The following CHKA variants were observed in gnomAD, a reference collection of about 807,000 sequenced individuals.
CHKA encodes the protein choline kinase alpha.
In CHKA, 34 loss-of-function variants were observed where a neutral mutation model predicts 60.1. The ratio of observed to expected loss-of-function variants is 0.57; its 90% CI spans 0.43 to 0.75. CHKA has a LOEUF of 0.75. Among genes scored for constraint, CHKA ranks in the 30% least tolerant of loss-of-function variants. CHKA has a pLI of 0.00. For missense variants in CHKA, 563 were observed against 561.3 expected (o/e 1.00, Z -0.03); for synonymous variants, 217 against 223.1 (o/e 0.97, Z 0.24).
At chr11:68,114,626 G>A (rs1171110195) in intron 1 of CHKA, among the ~76,000 whole-genome samples, 1 of 151,914 alleles carries the variant, frequency 6.6e-6, no homozygotes, top group Non-Finnish European at 1.5e-5. Flanking sequence ...GAACCCGGAA[G>A]GCGGAGGTTG....
intron 1 of CHKA, among the ~76,000 whole-genome samples, chr11:68,106,551 CAA>C (rs1178723223): frequency 2.4e-4 from 31 of 127,556 alleles, no homozygotes; most frequent in Admixed American, 2.4e-4. Context: ...ACCCTGCCTC[CAA>C]AAAAAAAAAA....
chr11:68,121,364 T>G lies in CHKA; in HGVS notation c.-187A>C, dbSNP rs1858651805. On this transcript the variant is annotated 5_prime_UTR_variant, in exon 1 of 12. Transcript: ENST00000265689. ...CGGCGACTGTGGAGCGGGGATGTGC[T>G]GCTGGCCGCTGCACTCGCTCCTCTG... The G allele has an allele frequency of 5.2e-6, 1 of 194,168 alleles. No homozygotes were observed. The highest frequency in any genetic ancestry group is 2.5e-5 in the African/African-American group (1 of 40,414). 12.0% of individuals were successfully genotyped at this position (194,168 alleles called of 1,614,324 possible). A position where few individuals can be genotyped will look rare whatever the true frequency, so the allele number is the denominator to read the frequency against.
chr11:68,105,289 G>A (rs1304512491), intron 1 of CHKA, among the ~76,000 whole-genome samples: 2 of 151,786 alleles, frequency 1.3e-5, no homozygotes, highest in Non-Finnish European at 1.5e-5. Flanking sequence ...GGCTGAGGCG[G>A]GTGGATCATG....
At position 68,120,836 on chromosome 11, in the gene CHKA, A is replaced by G; in HGVS notation, c.342T>C (p.Ser114=). The G allele has an allele frequency of 7.7e-7, 1 of 1,303,704 alleles. No homozygotes were observed. Among genetic ancestry groups the G allele is most frequent in the South Asian group, 1.6e-5 (1 of 64,398 alleles). 80.8% of individuals were successfully genotyped at this position (1,303,704 alleles called of 1,614,324 possible). A position where few individuals can be genotyped will look rare whatever the true frequency, so the allele number is the denominator to read the frequency against. ...GACCCGGCGCCACCGACCTGATGACACTGATGTGGAACTCGTCCTCGCGGA... is the reference window on the plus strand; with the variant it reads ...GACCCGGCGCCACCGACCTGATGACGCTGATGTGGAACTCGTCCTCGCGGA... ...RGLREDEFHI[S]VIRGGLSNML... is the part of the protein sequence containing the mutation. The change falls in exon 1 of 12, where the codon AGT becomes AGC. Residue 114 remains serine, a synonymous_variant. Coordinates refer to ENST00000265689, the MANE Select transcript of CHKA (RefSeq NM_001277.3).
intron 11 of CHKA, 110 bp downstream of exon 11, chr11:68,061,841 CAG>C (rs1159554423): frequency 2.7e-5 from 22 of 810,558 alleles, no homozygotes; most frequent in Non-Finnish European, 4.5e-5. Flanking sequence ...CTTGGGGAGA[CAG>C]AGAACCCTCT....
At position 68,099,144 on chromosome 11, in the gene CHKA, T is replaced by C. The variant is rs543281337; in HGVS notation, c.351-2014A>G. The stretch of plus-strand genomic sequence containing the variant: ...AGAACAAGGAAATCTATAAAGTCCA[T>C]TAGTGGTTGCCAGGAGCTGGGGTGG... On this transcript the variant is annotated intron_variant, in intron 1 of 11. Transcript: ENST00000265689. Among the ~76,000 whole-genome samples the C allele has an allele frequency of 7.9e-5, 12 of 152,262 alleles. No homozygotes were observed. In the South Asian group the frequency reaches 2.5e-3, roughly 32 times the overall value.
rs757502743 is a variant in CHKA, at chr11:68,074,701, T to A, written c.630+16A>T. 1 of 1,612,534 alleles carries A rather than the reference T, an allele frequency of 6.2e-7. No individual in the cohort carries two copies. Among genetic ancestry groups the A allele is most frequent in the Non-Finnish European group, 8.5e-7 (1 of 1,178,482 alleles). On this transcript the variant is annotated intron_variant, in intron 4 of 11. Coordinates refer to ENST00000265689, the MANE Select transcript of CHKA (RefSeq NM_001277.3). ...CTGTGGCATATGTCAACTAAGCGTT[T>A]ATGAACAAATCTTACCGGGATGAAC...
chr11:68,120,966 T>TGGGGCA lies in CHKA; in HGVS notation c.206_211dup (p.Leu69_Pro70dup), dbSNP rs1858619039. 1 of 1,128,848 alleles carries TGGGGCA rather than the reference T, an allele frequency of 8.9e-7. No individual in the cohort carries two copies. The highest frequency in any genetic ancestry group is 1.1e-6 in the Non-Finnish European group (1 of 918,862). The allele number at this position is 1,128,848 out of a possible 1,614,324, so 69.9% of individuals were successfully genotyped here. A position where few individuals can be genotyped will look rare whatever the true frequency, so the allele number is the denominator to read the frequency against. ...TGCGGGCGGCTGCGGCGGCGGGGGC[T>TGGGGCA]GGGGCAGCGGCAGCGGCAGCGGCAG... On this transcript the variant is annotated inframe_insertion, in exon 1 of 12. Transcript: ENST00000265689.
At chr11:68,074,116 G>A (rs1453442476) in intron 4 of CHKA, among the ~76,000 whole-genome samples, 3 of 152,216 alleles carry the variant, frequency 2.0e-5, no homozygotes. Flanking sequence ...GTAACTCTAA[G>A]ACATGGTATA....
In CHKA at chr11:68,121,291, G is replaced by A; in HGVS notation, c.-114C>T. 1 of 910,932 alleles carries A rather than the reference G, an allele frequency of 1.1e-6. No homozygotes were observed. The highest frequency in any genetic ancestry group is 1.3e-6 in the Non-Finnish European group (1 of 749,704). The allele number at this position is 910,932 out of a possible 1,614,324, so 56.4% of individuals were successfully genotyped here. Reference sequence around the variant, plus strand: ...CACTGGCAGGCCGGCGGGGCAGGGGGCCGCGGCGGTTGGGCGCGCGGGGCG... The same window carrying A: ...CACTGGCAGGCCGGCGGGGCAGGGGACCGCGGCGGTTGGGCGCGCGGGGCG... On this transcript the variant is annotated 5_prime_UTR_variant, in exon 1 of 12. Coordinates refer to ENST00000265689, the MANE Select transcript of CHKA (RefSeq NM_001277.3).
chr11:68,062,557 C>G (rs1426298444), intron 10 of CHKA, among the ~76,000 whole-genome samples: 1 of 152,210 alleles, frequency 6.6e-6, no homozygotes, highest in African/African-American at 2.4e-5. Flanking sequence ...GCGTGAGCCA[C>G]GTCACCATCT....
intron 3 of CHKA, among the ~76,000 whole-genome samples, chr11:68,075,665 G>T (rs1856763630): frequency 6.6e-6 from 1 of 152,226 alleles, no homozygotes; most frequent in East Asian, 1.9e-4. Flanking sequence ...AGGCCAGGCG[G>T]TGGCTCATGC....
At chr11:68,115,432 CA>C (rs1858347710) in intron 1 of CHKA, among the ~76,000 whole-genome samples, 1 of 152,172 alleles carries the variant, frequency 6.6e-6, no homozygotes, top group African/African-American at 2.4e-5. Flanking sequence ...TCAGTTGTAA[CA>C]AATGTCCCAT....
intron 1 of CHKA, among the ~76,000 whole-genome samples, chr11:68,119,836 G>A (rs555319261): frequency 6.6e-6 from 1 of 152,300 alleles, no homozygotes; most frequent in East Asian, 1.9e-4. Context: ...TGTCTTCGGA[G>A]CAGAGTGGTG....
At chr11:68,058,578 A>G (rs543973073) in intron 11 of CHKA, among the ~76,000 whole-genome samples, 22 of 152,348 alleles carry the variant, frequency 1.4e-4, no homozygotes, top group African/African-American at 5.3e-4. Flanking sequence ...TAGAAATCCA[A>G]CTGATTTTTG....
At chr11:68,082,225 A>C (rs890592843) in intron 2 of CHKA, 1 of 151,838 alleles carries the variant, frequency 6.6e-6, no homozygotes, top group Non-Finnish European at 1.5e-5. Flanking sequence ...ATTCTTTCTC[A>C]TGGTACAGAT....
intron 11 of CHKA, among the ~76,000 whole-genome samples, chr11:68,058,658 CT>C (rs1856113754): frequency 6.6e-6 from 1 of 152,052 alleles, no homozygotes. Flanking sequence ...CTGTTGATTC[CT>C]TTATTATTTT....
chr11:68,104,963 G>A (rs1247043600), intron 1 of CHKA, among the ~76,000 whole-genome samples: 1 of 151,662 alleles, frequency 6.6e-6, no homozygotes, highest in Non-Finnish European at 1.5e-5. Flanking sequence ...AATTAGCCAG[G>A]CGTGGTGGCA....
chr11:68,084,336 GTATA>G (rs774306965), intron 2 of CHKA, among the ~76,000 whole-genome samples: 66 of 127,326 alleles, frequency 5.2e-4, no homozygotes, highest in Non-Finnish European at 3.1e-4. Context: ...ACACATATAC[GTATA>G]TATATGTGTA....
Sources: allele counts gnomAD v4.1 joint callset (sites outside exome capture counted in the v4.1 genomes callset), GRCh38; gene constraint gnomAD v4.1.1; transcripts MANE v1.5; gene names NCBI Gene and HGNC (gene_info 2026-07-23, HGNC 2026-07-21).